Variants in AGBL4 observed in about 807,000 individuals in gnomAD.
The protein encoded by AGBL4 is AGBL carboxypeptidase 4.
In AGBL4, 58 loss-of-function variants were observed where a neutral mutation model predicts 66.4. The ratio of observed to expected loss-of-function variants is 0.87; its 90% CI spans 0.71 to 1.09. AGBL4 has a LOEUF of 1.09. AGBL4 is among the 50% of genes least tolerant of loss of function. The pLI, the probability that AGBL4 is intolerant of heterozygous loss-of-function variation, is 0.00. For missense variants in AGBL4, 579 were observed against 631.0 expected (o/e 0.92, Z 0.88); for synonymous variants, 234 against 222.9 (o/e 1.05, Z -0.44).
chr1:49,588,846 G>A (rs1353849948), intron 3 of AGBL4, among the ~76,000 whole-genome samples: 4 of 152,146 alleles, frequency 2.6e-5, no homozygotes, highest in Admixed American at 2.0e-4. Context: ...TCATCACACT[G>A]AGACACATAG....
At chr1:48,814,952 T>G (rs986455730) in intron 6 of AGBL4, among the ~76,000 whole-genome samples, 2 of 152,154 alleles carry the variant, frequency 1.3e-5, no homozygotes, top group Non-Finnish European at 2.9e-5. Flanking sequence ...GTAGCTCTAT[T>G]TGTACTTTTT....
At chr1:49,557,151 C>A (rs753161276) in intron 3 of AGBL4, among the ~76,000 whole-genome samples, 15 of 152,060 alleles carry the variant, frequency 9.9e-5, no homozygotes, top group Non-Finnish European at 1.8e-4. Flanking sequence ...CAGAGAAGGT[C>A]TCCCACAGTG....
rs1570602198 is a variant in AGBL4 at position 48,769,049 on chromosome 1, G to C, written c.634+98142C>G. ...TGCCTCTCTCATTAACTTGTTTGGT[G>C]ATTAGTCCTCTCTTGATTTTCTTTT... On this transcript the variant is annotated intron_variant, in intron 6 of 13. Coordinates refer to ENST00000371839, the MANE Select transcript of AGBL4 (RefSeq NM_032785.4). Among the ~76,000 whole-genome samples the C allele has an allele frequency of 2.0e-5, 3 of 152,272 alleles. No homozygotes were observed. In the South Asian group the frequency reaches 6.2e-4, roughly 32 times the overall value.
intron 8 of AGBL4, among the ~76,000 whole-genome samples, chr1:48,637,715 C>A (rs1319927109): frequency 1.3e-5 from 2 of 152,218 alleles, no homozygotes; most frequent in African/African-American, 4.8e-5. Context: ...AGTCTGGCTA[C>A]CAGTTTCTGT....
intron 1 of AGBL4, among the ~76,000 whole-genome samples, chr1:49,916,428 G>A (rs144080935): frequency 0.092 from 14,039 of 152,186 alleles, 854 homozygotes; most frequent in African/African-American, 0.16. Context: ...CAAGAACTAC[G>A]TGATGAATGC....
intron 3 of AGBL4, among the ~76,000 whole-genome samples, chr1:49,623,987 G>C (rs1645417289): frequency 6.8e-6 from 1 of 147,580 alleles, no homozygotes; most frequent in African/African-American, 2.6e-5. Context: ...ACTTCATATA[G>C]TTTTGATGAG....
chr1:49,292,622 T>C (rs1425874886), intron 3 of AGBL4, among the ~76,000 whole-genome samples: 1 of 152,000 alleles, frequency 6.6e-6, no homozygotes, highest in Non-Finnish European at 1.5e-5. Context: ...AAACAATCCA[T>C]GTGATGACCA....
intron 5 of AGBL4, among the ~76,000 whole-genome samples, chr1:48,966,310 G>T (rs951067091): frequency 1.3e-5 from 2 of 152,160 alleles, no homozygotes; most frequent in African/African-American, 4.8e-5. Flanking sequence ...TTAAATAAAA[G>T]TCTTAAATTC....
intron 6 of AGBL4, among the ~76,000 whole-genome samples, chr1:48,716,450 C>G (rs150420900): frequency 6.6e-6 from 1 of 152,278 alleles, no homozygotes; most frequent in East Asian, 1.9e-4. Flanking sequence ...GGACTCAGTT[C>G]AGGGAGTTTA....
chr1:48,929,955 T>C (rs1654902267), intron 5 of AGBL4, among the ~76,000 whole-genome samples: 1 of 152,196 alleles, frequency 6.6e-6, no homozygotes, highest in South Asian at 2.1e-4. Flanking sequence ...CTACCAGATG[T>C]GTGCCAAACT....
At chr1:48,715,509 C>T (rs966619695) in intron 6 of AGBL4, among the ~76,000 whole-genome samples, 1 of 152,244 alleles carries the variant, frequency 6.6e-6, no homozygotes, top group African/African-American at 2.4e-5. Flanking sequence ...GGGACTTTCT[C>T]TGCTCTACCC....
intron 5 of AGBL4, among the ~76,000 whole-genome samples, chr1:49,031,296 A>C (rs1664206978): frequency 6.6e-6 from 1 of 151,914 alleles, no homozygotes; most frequent in Admixed American, 6.6e-5. Flanking sequence ...CCATGTTTTA[A>C]ATGTTCTCAC....
At chr1:49,214,330 G>A (rs1648904871) in intron 4 of AGBL4, among the ~76,000 whole-genome samples, 1 of 152,116 alleles carries the variant, frequency 6.6e-6, no homozygotes, top group Non-Finnish European at 1.5e-5. Flanking sequence ...GGTGTAATTG[G>A]AGCAGAATTT....
At chr1:48,926,546 C>T (rs1654590986) in intron 5 of AGBL4, among the ~76,000 whole-genome samples, 1 of 151,914 alleles carries the variant, frequency 6.6e-6, no homozygotes, top group Non-Finnish European at 1.5e-5. Context: ...ACCTCGGACT[C>T]CCAAAGTGCT....
intron 2 of AGBL4, among the ~76,000 whole-genome samples, chr1:49,779,216 A>G (rs571173651): frequency 2.6e-5 from 4 of 152,254 alleles, no homozygotes; most frequent in Non-Finnish European, 5.9e-5. Flanking sequence ...ACAAGATTAC[A>G]AAGTATTTGA....
At chr1:49,080,490 A>G (rs1432708457) in intron 4 of AGBL4, among the ~76,000 whole-genome samples, 1 of 152,088 alleles carries the variant, frequency 6.6e-6, no homozygotes, top group Non-Finnish European at 1.5e-5. Flanking sequence ...GAATACCCCA[A>G]CTTTGTTTCT....
chr1:49,738,780 T>C (rs1448984390), intron 2 of AGBL4, among the ~76,000 whole-genome samples: 1 of 152,190 alleles, frequency 6.6e-6, no homozygotes, highest in Non-Finnish European at 1.5e-5. Context: ...CTGCTGCTCA[T>C]ACCCAGGCAA....
At chr1:49,873,176 TG>T (rs138976949) in intron 1 of AGBL4, among the ~76,000 whole-genome samples, 2,465 of 152,136 alleles carry the variant, frequency 0.016, 55 homozygotes, top group African/African-American at 0.056. Flanking sequence ...TTTCCAGGAT[TG>T]TTCTCCCTTT....
intron 2 of AGBL4, among the ~76,000 whole-genome samples, chr1:49,827,254 C>T (rs11581677): frequency 0.4 from 60,841 of 151,218 alleles, 15,528 homozygotes; most frequent in Non-Finnish European, 0.57. Flanking sequence ...GAAAAAATAC[C>T]CAAAAAGTAG....
Sources: allele counts gnomAD v4.1 joint callset (sites outside exome capture counted in the v4.1 genomes callset), GRCh38; gene constraint gnomAD v4.1.1; transcripts MANE v1.5; gene names NCBI Gene and HGNC (gene_info 2026-07-23, HGNC 2026-07-21).